CSMD1: variants seen among roughly 807,000 people sequenced by gnomAD.
CSMD1 encodes the protein CUB and Sushi multiple domains 1.
Under a neutral mutation model 417.5 loss-of-function variants are expected in CSMD1, and 213 were observed. The ratio of observed to expected loss-of-function variants is 0.51; its 90% CI spans 0.46 to 0.57. The LOEUF (loss-of-function observed/expected upper bound fraction) is 0.57, where lower values mean the gene tolerates loss of function less well. CSMD1 is among the 20% of genes least tolerant of loss of function. The pLI is 0.00. For missense variants in CSMD1, 6,923 were observed against 4,529.7 expected (o/e 1.53, Z -15.17); for synonymous variants, 2,862 against 1,736.8 (o/e 1.65, Z -16.11).
intron 2 of CSMD1, among the ~76,000 whole-genome samples, chr8:4,562,812 A>T (rs1798407775): frequency 6.6e-6 from 1 of 152,148 alleles, no homozygotes; most frequent in Non-Finnish European, 1.5e-5. Flanking sequence ...AATACAGCAG[A>T]TCATTTATTA....
At chr8:3,716,578 T>G (rs1284232164) in intron 6 of CSMD1, among the ~76,000 whole-genome samples, 1 of 152,120 alleles carries the variant, frequency 6.6e-6, no homozygotes, top group Non-Finnish European at 1.5e-5. Flanking sequence ...TCGGGAGATT[T>G]GCGCCGGCTT....
At chr8:3,275,048 A>G (rs904771633) in intron 26 of CSMD1, among the ~76,000 whole-genome samples, 3 of 151,954 alleles carry the variant, frequency 2.0e-5, no homozygotes, top group Admixed American at 6.6e-5. Flanking sequence ...ATTTGGCATG[A>G]TTTTGCCGTG....
intron 1 of CSMD1, among the ~76,000 whole-genome samples, chr8:4,846,644 G>C (rs1024579921): frequency 3.3e-5 from 5 of 152,160 alleles, no homozygotes; most frequent in Non-Finnish European, 2.9e-5. Context: ...TAATAGCTAA[G>C]GATGACAACA....
At chr8:3,407,786 AT>A in intron 14 of CSMD1, 112 bp downstream of exon 14, 1 of 906,242 alleles carries the variant, frequency 1.1e-6, no homozygotes, top group East Asian at 2.7e-5. Context: ...CATAATGATT[AT>A]AAAACCTCTG....
At chr8:3,227,566 C>T (rs1304349310) in intron 27 of CSMD1, among the ~76,000 whole-genome samples, 1 of 152,102 alleles carries the variant, frequency 6.6e-6, no homozygotes, top group African/African-American at 2.4e-5. Flanking sequence ...TAATAAGGGA[C>T]TAGAAAGATC....
chr8:3,400,312 C>T (rs1296320531), intron 15 of CSMD1, among the ~76,000 whole-genome samples: 1 of 152,112 alleles, frequency 6.6e-6, no homozygotes, highest in Non-Finnish European at 1.5e-5. Flanking sequence ...CATTAGCAAT[C>T]ATCTTTGTGG....
intron 3 of CSMD1, among the ~76,000 whole-genome samples, chr8:4,318,677 T>C (rs1051425417): frequency 1.1e-4 from 16 of 149,932 alleles, no homozygotes; most frequent in African/African-American, 3.4e-4. Context: ...ATATCACTGA[T>C]TTTTAACTCA....
In CSMD1 at chr8:3,658,055, G is replaced by A. The variant is rs531600518; in HGVS notation, c.1010-41258C>T. ...GTCTTGAAATACTCAGAGCATAACA[G>A]CGTCAGCCCAGAGGCATTCAGCACT... On this transcript the variant is annotated intron_variant, in intron 7 of 69. Coordinates refer to ENST00000635120, the MANE Select transcript of CSMD1 (RefSeq NM_033225.6). 3.4e-4 allele frequency among the ~76,000 whole-genome samples: 51 copies of A among 152,230 alleles called. 1 individual carries two copies. The highest frequency in any genetic ancestry group is 4.1e-4 in the South Asian group (2 of 4,820).
intron 2 of CSMD1, among the ~76,000 whole-genome samples, chr8:4,556,752 ACCTCAAAT>A (rs1798107077): frequency 6.6e-6 from 1 of 152,212 alleles, no homozygotes; most frequent in Admixed American, 6.5e-5. Context: ...AAAGTCGAAA[ACCTCAAAT>A]CCAAAATGAT....
intron 50 of CSMD1, among the ~76,000 whole-genome samples, chr8:3,037,794 G>A (rs77779760): frequency 0.046 from 6,986 of 152,152 alleles, 558 homozygotes; most frequent in African/African-American, 0.16. Flanking sequence ...GTAATTTATG[G>A]GCTCACCTGA....
chr8:4,349,140 T>C (rs1156951830), intron 3 of CSMD1, among the ~76,000 whole-genome samples: 1 of 152,228 alleles, frequency 6.6e-6, no homozygotes, highest in Non-Finnish European at 1.5e-5. Context: ...TGAATCCGAA[T>C]ACAGAGCTTG....
At chr8:3,268,079 A>C (rs1037265190) in intron 26 of CSMD1, among the ~76,000 whole-genome samples, 2 of 152,068 alleles carry the variant, frequency 1.3e-5, no homozygotes, top group Non-Finnish European at 2.9e-5. Flanking sequence ...TTGATCTCCA[A>C]TGCCCATGGG....
rs534737953 is a variant in CSMD1, at chr8:3,158,044, C to A, written c.5845-78G>T. 10 of 1,141,090 alleles carry A rather than the reference C, an allele frequency of 8.8e-6. No individual in the cohort carries two copies. In the African/African-American group the frequency reaches 1.6e-4, roughly 18 times the overall value. The allele number at this position is 1,141,090 out of a possible 1,614,324, so 70.7% of individuals were successfully genotyped here. A position where few individuals can be genotyped will look rare whatever the true frequency, so the allele number is the denominator to read the frequency against. Reference sequence around the variant, plus strand: ...AGGATTAAATGTTTGAGAATATCTGCATTTTTTCCTTTCTTGTTTTAATTA... The same window carrying A: ...AGGATTAAATGTTTGAGAATATCTGAATTTTTTCCTTTCTTGTTTTAATTA... On this transcript the variant is annotated intron_variant, in intron 38 of 69. Transcript: ENST00000635120.
At chr8:3,673,257 A>G (rs1249963732) in intron 7 of CSMD1, among the ~76,000 whole-genome samples, 7 of 152,204 alleles carry the variant, frequency 4.6e-5, no homozygotes, top group African/African-American at 1.4e-4. Flanking sequence ...TATTGAACAC[A>G]TGCTCTTTGT....
At chr8:3,509,975 G>A (rs1371422431) in intron 10 of CSMD1, among the ~76,000 whole-genome samples, 3 of 152,134 alleles carry the variant, frequency 2.0e-5, no homozygotes, top group Admixed American at 1.3e-4. Context: ...TGGTAAGTGT[G>A]TCAAAAAATT....
intron 10 of CSMD1, among the ~76,000 whole-genome samples, chr8:3,558,335 T>A (rs1236935885): frequency 8.2e-6 from 1 of 122,092 alleles, no homozygotes; most frequent in Non-Finnish European, 1.9e-5. Flanking sequence ...GATGCCTCAG[T>A]AGTACCCCGT....
chr8:4,363,314 T>C (rs550813360), intron 3 of CSMD1, among the ~76,000 whole-genome samples: 2 of 152,342 alleles, frequency 1.3e-5, no homozygotes, highest in Admixed American at 6.5e-5. Flanking sequence ...CATGAAATTC[T>C]ATACTACAGG....
chr8:3,959,445 G>C (rs1008123950), intron 5 of CSMD1, among the ~76,000 whole-genome samples: 7 of 152,196 alleles, frequency 4.6e-5, no homozygotes, highest in Non-Finnish European at 8.8e-5. Flanking sequence ...GTTGCAGTGA[G>C]CCAAGATCAC....
chr8:3,406,598 G>C (rs974357555), intron 14 of CSMD1, among the ~76,000 whole-genome samples: 4 of 151,944 alleles, frequency 2.6e-5, no homozygotes, highest in Admixed American at 1.3e-4. Context: ...TCTGACATTG[G>C]GCATATGACT....
Sources: gnomAD v4.1 joint callset for allele counts (sites outside exome capture counted in the v4.1 genomes callset) on GRCh38, gnomAD v4.1.1 for gene constraint, MANE v1.5 for transcripts, NCBI Gene and HGNC (gene_info 2026-07-23, HGNC 2026-07-21) for gene names.